CHST13: variants seen among roughly 807,000 people sequenced by gnomAD.
The protein encoded by CHST13 is carbohydrate sulfotransferase 13, also known as C4ST-3.
A neutral mutation model predicts 7.0 loss-of-function variants in CHST13; 1 was observed. The observed-to-expected ratio is 0.14, with a 90% CI of 0.05 to 0.68. CHST13 has a LOEUF of 0.68. Ranked by LOEUF, CHST13 falls within the 30% of genes least tolerant of loss-of-function variation. The pLI is 0.82. For missense variants in CHST13, 572 were observed against 507.9 expected, an observed-to-expected ratio of 1.13 and a Z score of -1.21; for synonymous variants, 257 against 240.9, an observed-to-expected ratio of 1.07 and a Z score of -0.62.
intron 1 of CHST13, chr3:126,528,999 G>A (rs1306015041): frequency 3.6e-5 from 12 of 334,924 alleles, no homozygotes; most frequent in Non-Finnish European, 6.4e-5. Context: ...GGGCCTGGCT[G>A]CCCTGCTTAT....
chr3:126,538,554 G>T (rs1041500063), intron 2 of CHST13, among the ~76,000 whole-genome samples: 14 of 152,260 alleles, frequency 9.2e-5, no homozygotes, highest in Admixed American at 2.6e-4. Context: ...CACAGCCGGG[G>T]TCGGCCAGCA....
At position 126,542,220 on chromosome 3, in the gene CHST13, T is replaced by G; in HGVS notation, c.668T>G (p.Val223Gly). The G allele has an allele frequency of 1.3e-6, 2 of 1,484,208 alleles. No individual in the cohort carries two copies. Among genetic ancestry groups the G allele is most frequent in the Non-Finnish European group, 1.8e-6 (2 of 1,125,262 alleles). The allele number at this position is 1,484,208 out of a possible 1,614,324, so 91.9% of individuals were successfully genotyped here. A position where few individuals can be genotyped will look rare whatever the true frequency, so the allele number is the denominator to read the frequency against. The change falls in exon 3 of 3, where the codon GTG (valine) becomes GGG (glycine). Residue 223 changes from valine (V) to glycine (G), a missense_variant. Coordinates refer to ENST00000319340, the MANE Select transcript of CHST13 (RefSeq NM_152889.3). ...GACGCCCGGGCCCGCGGCCACGACGTGCGCTTCGCGGAGTTCCTGGCCTAC... is the reference window on the plus strand; with the variant it reads ...GACGCCCGGGCCCGCGGCCACGACGGGCGCTTCGCGGAGTTCCTGGCCTAC... ...LPDARARGHD[V>G]RFAEFLAYLL...
At chr3:126,526,245 A>G (rs758208909) in intron 1 of CHST13, among the ~76,000 whole-genome samples, 1 of 152,212 alleles carries the variant, frequency 6.6e-6, no homozygotes, top group Non-Finnish European at 1.5e-5. Context: ...GTGGGCCTGC[A>G]GGTGGCACAC....
intron 1 of CHST13, among the ~76,000 whole-genome samples, chr3:126,526,135 T>A (rs565380216): frequency 6.6e-6 from 1 of 152,344 alleles, no homozygotes; most frequent in Admixed American, 6.5e-5. Context: ...GTGAGTGACC[T>A]TGGGCGAGCA....
At chr3:126,536,947 C>A (rs1019079211) in intron 2 of CHST13, among the ~76,000 whole-genome samples, 1 of 151,284 alleles carries the variant, frequency 6.6e-6, no homozygotes, top group Non-Finnish European at 1.5e-5. Flanking sequence ...AGTACTTATT[C>A]GGACAGCACA....
At chr3:126,530,439 G>A (rs535175314) in intron 1 of CHST13, among the ~76,000 whole-genome samples, 68 of 152,306 alleles carry the variant, frequency 4.5e-4, no homozygotes, top group Middle Eastern at 3.4e-3. Flanking sequence ...GGCCTGGGTC[G>A]GCTTCTCAGT....
At chr3:126,533,807 TTAAACA>T (rs1378122267) in intron 1 of CHST13, among the ~76,000 whole-genome samples, 1 of 152,244 alleles carries the variant, frequency 6.6e-6, no homozygotes, top group East Asian at 1.9e-4. Context: ...TGTTAATTCT[TTAAACA>T]TTTAGTAAAA....
intron 1 of CHST13, among the ~76,000 whole-genome samples, chr3:126,534,383 C>T (rs1294575955): frequency 6.7e-6 from 1 of 149,552 alleles, no homozygotes; most frequent in African/African-American, 2.6e-5. Context: ...CTGAGCAGTG[C>T]AGCAAGGAGA....
chr3:126,530,563 G>T lies in CHST13; in HGVS notation c.98-5708G>T, dbSNP rs374659654. Among the ~76,000 whole-genome samples the T allele has an allele frequency of 7.2e-5, 11 of 152,352 alleles. 1 individual carries two copies. The highest frequency in any genetic ancestry group is 3.9e-4 in the Admixed American group (6 of 15,308). On this transcript the variant is annotated intron_variant, in intron 1 of 2. Coordinates refer to ENST00000319340, the MANE Select transcript of CHST13 (RefSeq NM_152889.3). ...AAGGGACACGTCTCATCTGCAACAC[G>T]GCGAGAAGGCCTGGCCTCCTCTCAT...
At chr3:126,535,523 G>A (rs1191557810) in intron 1 of CHST13, among the ~76,000 whole-genome samples, 6 of 151,136 alleles carry the variant, frequency 4.0e-5, no homozygotes, top group African/African-American at 1.5e-4. Context: ...CCTCAGCCGG[G>A]AGACACACAG....
intron 2 of CHST13, among the ~76,000 whole-genome samples, chr3:126,538,700 G>A (rs1043244434): frequency 6.6e-6 from 1 of 152,174 alleles, no homozygotes; most frequent in Non-Finnish European, 1.5e-5. Context: ...ACCATGTGGA[G>A]CTAGGCTTCT....
At position 126,536,863 on chromosome 3, in the gene CHST13, GCTCT is replaced by G. The variant is rs75727605; in HGVS notation, c.180+521_180+524del. On this transcript the variant is annotated intron_variant, in intron 2 of 2. Coordinates refer to ENST00000319340, the MANE Select transcript of CHST13 (RefSeq NM_152889.3). ...CCACCACCAAGAACCCCACACTCTG[GCTCT>G]CTCTCTCTCTTTCTCACACACACAC... is the stretch of plus-strand genomic sequence containing the variant. 1.7e-3 allele frequency among the ~76,000 whole-genome samples: 241 copies of G among 141,618 alleles called. 1 individual carries two copies. In the Middle Eastern group the frequency reaches 0.017, roughly 10 times the overall value. The allele number at this position is 141,618 out of a possible 152,430, so 92.9% of individuals were successfully genotyped here. A position where few individuals can be genotyped will look rare whatever the true frequency, so the allele number is the denominator to read the frequency against.
In CHST13 at chr3:126,542,216, G is replaced by C. The variant is rs755426222; in HGVS notation, c.664G>C (p.Asp222His). ...CCCCGACGCCCGGGCCCGCGGCCAC[G>C]ACGTGCGCTTCGCGGAGTTCCTGGC... ...ALPDARARGH[D>H]VRFAEFLAYL... The change falls in exon 3 of 3, where the codon GAC becomes CAC. Residue 222 changes from aspartate (D) to histidine (H), a missense_variant. Physicochemically the swap from Asp to His is moderately conservative, Grantham distance 81. Transcript: ENST00000319340. 2 of 1,479,114 alleles carry C rather than the reference G, an allele frequency of 1.4e-6. No individual in the cohort carries two copies. Among genetic ancestry groups the C allele is most frequent in the Non-Finnish European group, 1.8e-6 (2 of 1,122,758 alleles). 91.6% of individuals were successfully genotyped at this position (1,479,114 alleles called of 1,614,324 possible).
In CHST13 at chr3:126,526,240, C is replaced by A. The variant is rs2107560704; in HGVS notation, c.97+1811C>A. 2.6e-5 allele frequency among the ~76,000 whole-genome samples: 4 copies of A among 152,342 alleles called. No homozygotes were observed. The Middle Eastern group carries it at 0.014, about 518-fold the overall frequency. ...CTTTGGCTGAGACTATGCTTGTGGG[C>A]CTGCAGGTGGCACACAGGGAGGGCA... On this transcript the variant is annotated intron_variant, in intron 1 of 2. Transcript: ENST00000319340.
At chr3:126,539,202 C>T (rs1873394) in intron 2 of CHST13, among the ~76,000 whole-genome samples, 80,475 of 152,092 alleles carry the variant, frequency 0.53, 23,766 homozygotes, top group South Asian at 0.73. Flanking sequence ...GGGATGACTG[C>T]GAAGCCAGTC....
At chr3:126,528,429 G>A (rs1307444935) in intron 1 of CHST13, among the ~76,000 whole-genome samples, 1 of 152,198 alleles carries the variant, frequency 6.6e-6, no homozygotes, top group Admixed American at 6.5e-5. Flanking sequence ...GGCTGGAGCT[G>A]AGCAGTGAAC....
At chr3:126,536,715 C>T (rs1211520559) in intron 2 of CHST13, among the ~76,000 whole-genome samples, 1 of 151,942 alleles carries the variant, frequency 6.6e-6, no homozygotes, top group African/African-American at 2.4e-5. Context: ...TGCAGGGACC[C>T]CCAGCCCCGG....
Position 126,524,404 on chromosome 3 carries a change from C to A in CHST13, c.72C>A (p.Cys24Ter). ...TGGGCGCCGCGCTCCTGCTCCTATG[C>A]GCCGCGCCCCGCTCCCTGCGCCCGG... Reference protein sequence around the residue: ...ACLGAALLLLCAAPRSLRPAF... With the variant: ...ACLGAALLLL The change falls in exon 1 of 3, where the codon TGC (cysteine) becomes TGA (stop). Residue 24 changes from cysteine (C) to a stop codon, truncating the protein, a stop_gained. Transcript: ENST00000319340. LOFTEE classifies it high-confidence loss of function. 1 of 1,202,084 alleles carries A rather than the reference C, an allele frequency of 8.3e-7. No individual in the cohort carries two copies. The highest frequency in any genetic ancestry group is 1.0e-6 in the Non-Finnish European group (1 of 961,466). The allele number at this position is 1,202,084 out of a possible 1,614,324, so 74.5% of individuals were successfully genotyped here.
Position 126,542,522 on chromosome 3 carries a change from AAG to A in CHST13, c.972_973del (p.Lys324AsnfsTer91). 1 of 1,545,414 alleles carries A rather than the reference AAG, an allele frequency of 6.5e-7. No individual in the cohort carries two copies. Among genetic ancestry groups the A allele is most frequent in the Non-Finnish European group, 8.7e-7 (1 of 1,152,318 alleles). ...FYQRRLFDLY[K>X]MDFLLFNYSA... is the part of the protein sequence containing the mutation. ...CCAGCGGCGCCTCTTCGACCTCTAC[AAG>A]ATGGACTTCCTGCTTTTCAACTACT... On this transcript the variant is annotated frameshift_variant, in exon 3 of 3. Transcript: ENST00000319340. LOFTEE classifies it high-confidence loss of function.
Sources: gnomAD v4.1 joint callset for allele counts (sites outside exome capture counted in the v4.1 genomes callset) on GRCh38, gnomAD v4.1.1 for gene constraint, MANE v1.5 for transcripts, NCBI Gene and HGNC (gene_info 2026-07-23, HGNC 2026-07-21) for gene names.